TBC1D5: variants seen among roughly 807,000 people sequenced by gnomAD.
TBC1D5 encodes TBC1 domain family, member 5.
Under a neutral mutation model 100.3 loss-of-function variants are expected in TBC1D5, and 75 were observed. The ratio of observed to expected loss-of-function variants is 0.75; its 90% CI spans 0.62 to 0.91. The LOEUF is 0.91. Among genes scored for constraint, TBC1D5 ranks in the 40% least tolerant of loss-of-function variants. TBC1D5 has a pLI of 0.00. For missense variants in TBC1D5, 910 were observed against 942.4 expected (o/e 0.97, Z 0.45); for synonymous variants, 323 against 325.6 (o/e 0.99, Z 0.09).
At chr3:17,532,016 A>G (rs919362925) in intron 2 of TBC1D5, among the ~76,000 whole-genome samples, 5 of 152,252 alleles carry the variant, frequency 3.3e-5, no homozygotes, top group African/African-American at 1.2e-4. Context: ...GCTTCTGAAC[A>G]GCAAAAGAAA....
intron 2 of TBC1D5, among the ~76,000 whole-genome samples, chr3:17,622,118 T>A (rs1447096146): frequency 6.6e-6 from 1 of 152,114 alleles, no homozygotes; most frequent in East Asian, 1.9e-4. Flanking sequence ...GGAGAGATGG[T>A]TTCGAAATCA....
chr3:17,550,560 A>C (rs1016795856), intron 2 of TBC1D5, among the ~76,000 whole-genome samples: 47 of 152,146 alleles, frequency 3.1e-4, no homozygotes, highest in Admixed American at 4.6e-4. Context: ...AAAAAAAAAA[A>C]CACCACAGAA....
At chr3:17,584,761 A>C (rs2096721948) in intron 2 of TBC1D5, among the ~76,000 whole-genome samples, 1 of 152,154 alleles carries the variant, frequency 6.6e-6, no homozygotes, top group East Asian at 1.9e-4. Flanking sequence ...AGTTCAAGAG[A>C]TTCTCCTGCC....
At chr3:17,349,279 A>G (rs2090275173) in intron 13 of TBC1D5, among the ~76,000 whole-genome samples, 1 of 152,156 alleles carries the variant, frequency 6.6e-6, no homozygotes, top group African/African-American at 2.4e-5. Context: ...AGTCGCCTCT[A>G]ACACTTTCTG....
At chr3:17,332,557 G>C (rs1191362892) in intron 13 of TBC1D5, among the ~76,000 whole-genome samples, 1 of 151,996 alleles carries the variant, frequency 6.6e-6, no homozygotes, top group Non-Finnish European at 1.5e-5. Context: ...TAGGGAAACA[G>C]AGAAAAGAAA....
chr3:17,361,814 C>T (rs566037356), intron 13 of TBC1D5, among the ~76,000 whole-genome samples: 3 of 152,082 alleles, frequency 2.0e-5, no homozygotes, highest in African/African-American at 4.8e-5. Flanking sequence ...ATAATCTGAC[C>T]TCCTACCTTC....
chr3:17,452,952 T>A (rs2094961232), intron 3 of TBC1D5, among the ~76,000 whole-genome samples: 1 of 151,264 alleles, frequency 6.6e-6, no homozygotes, highest in African/African-American at 2.4e-5. Flanking sequence ...AAAAATACTA[T>A]CAAGCATCTT....
At position 17,238,043 on chromosome 3, in the gene TBC1D5, T is replaced by C. The variant is rs1025291825; in HGVS notation, c.1588+120A>G. On this transcript the variant is annotated intron_variant, in intron 17 of 21. Transcript: ENST00000253692. ...TAGTATTCCAACTTTATATAACATA[T>C]TTAAAAAGTAAGTTTTGCATTAATT... 2.2e-6 allele frequency: 3 copies of C among 1,388,844 alleles called. No homozygotes were observed. The African/African-American group carries it at 4.3e-5, about 20-fold the overall frequency. The allele number at this position is 1,388,844 out of a possible 1,614,324, so 86.0% of individuals were successfully genotyped here. A position where few individuals can be genotyped will look rare whatever the true frequency, so the allele number is the denominator to read the frequency against.
At chr3:17,460,735 A>G (rs2095189583) in intron 3 of TBC1D5, among the ~76,000 whole-genome samples, 2 of 152,100 alleles carry the variant, frequency 1.3e-5, no homozygotes, top group Admixed American at 1.3e-4. Context: ...CAACACTTCA[A>G]TGCCAAGCTC....
intron 14 of TBC1D5, among the ~76,000 whole-genome samples, chr3:17,293,901 G>A (rs1484633382): frequency 1.3e-5 from 2 of 152,166 alleles, no homozygotes; most frequent in African/African-American, 2.4e-5. Flanking sequence ...TCTTATAAAG[G>A]TACAATTATT....
At chr3:17,690,647 C>G (rs1420328265) in intron 1 of TBC1D5, among the ~76,000 whole-genome samples, 1 of 152,206 alleles carries the variant, frequency 6.6e-6, no homozygotes, top group Non-Finnish European at 1.5e-5. Flanking sequence ...CCTGTCAGAA[C>G]AGCAGTGGCA....
At chr3:17,618,192 C>T (rs1293878502) in intron 2 of TBC1D5, among the ~76,000 whole-genome samples, 1 of 152,196 alleles carries the variant, frequency 6.6e-6, no homozygotes, top group Non-Finnish European at 1.5e-5. Context: ...TGGAGGTCCA[C>T]TCCAGACTCT....
chr3:17,548,620 GA>G lies in TBC1D5; in HGVS notation c.-35-40016del, dbSNP rs373092431. Among the ~76,000 whole-genome samples, 29 of 152,308 alleles carry G rather than the reference GA, an allele frequency of 1.9e-4. No homozygotes were observed. In the South Asian group the frequency reaches 6.0e-3, roughly 32 times the overall value. ...GTCTTTGTAGCTACTGTTGAGGGGA[GA>G]AAATGTACTAAACATAAACATGGTA... On this transcript the variant is annotated intron_variant, in intron 2 of 21. Transcript: ENST00000253692.
At chr3:17,337,838 G>A (rs6763593) in intron 13 of TBC1D5, among the ~76,000 whole-genome samples, 76,296 of 151,926 alleles carry the variant, frequency 0.5, 20,688 homozygotes, top group African/African-American at 0.68. Flanking sequence ...CCCACTGTCT[G>A]GCCTCTACCT....
chr3:17,695,859 C>T (rs1025300622), intron 1 of TBC1D5, among the ~76,000 whole-genome samples: 2 of 152,168 alleles, frequency 1.3e-5, no homozygotes, highest in African/African-American at 4.8e-5. Context: ...TAAAGCACTC[C>T]TCAGCAAATG....
chr3:17,366,705 T>C (rs2092155340), intron 13 of TBC1D5, among the ~76,000 whole-genome samples: 1 of 152,176 alleles, frequency 6.6e-6, no homozygotes, highest in African/African-American at 2.4e-5. Flanking sequence ...CACTGACTTC[T>C]GATGACTGAG....
At position 17,303,833 on chromosome 3, in the gene TBC1D5, C is replaced by CTT. The variant is rs140988557; in HGVS notation, c.1138+4157_1138+4158dup. On this transcript the variant is annotated intron_variant, in intron 14 of 21. Transcript: ENST00000253692. ...TGGAAGCCTGGATCACAATCTACCT[C>CTT]TTTTTTTTTTTTTTTTTTTTTTTTT... 8.5e-3 allele frequency among the ~76,000 whole-genome samples: 722 copies of CTT among 84,478 alleles called. 63 individuals carry two copies. The highest frequency in any genetic ancestry group is 0.013 in the African/African-American group (264 of 20,238). The allele number at this position is 84,478 out of a possible 152,430, so 55.4% of individuals were successfully genotyped here. A position where few individuals can be genotyped will look rare whatever the true frequency, so the allele number is the denominator to read the frequency against.
intron 2 of TBC1D5, among the ~76,000 whole-genome samples, chr3:17,532,951 C>CAT (rs1221230368): frequency 6.6e-6 from 1 of 151,434 alleles, no homozygotes; most frequent in African/African-American, 2.4e-5. Flanking sequence ...CAAACCTGCA[C>CAT]GTTGTGCACA....
rs1473404788 is a variant in TBC1D5, at chr3:17,703,909, T to TGG, written c.-101+35433_-101+35434insCC. Reference sequence around the variant, plus strand: ...GTACCACATTGATATTTGTGTTTTTTTTTTGTTTTTTTTTTTTTAATTTAT... The same window carrying TGG: ...GTACCACATTGATATTTGTGTTTTTTGGTTTTGTTTTTTTTTTTTTAATTTAT... On this transcript the variant is annotated intron_variant, in intron 1 of 21. Coordinates refer to ENST00000253692, the Ensembl canonical transcript of TBC1D5. Among the ~76,000 whole-genome samples, 6 of 108,096 alleles carry TGG rather than the reference T, an allele frequency of 5.6e-5. No individual in the cohort carries two copies. The East Asian group carries it at 7.6e-3, about 136-fold the overall frequency. The allele number at this position is 108,096 out of a possible 152,430, so 70.9% of individuals were successfully genotyped here. A position where few individuals can be genotyped will look rare whatever the true frequency, so the allele number is the denominator to read the frequency against.
Sources: allele counts gnomAD v4.1 joint callset (sites outside exome capture counted in the v4.1 genomes callset), GRCh38; gene constraint gnomAD v4.1.1; transcripts MANE v1.5; gene names NCBI Gene and HGNC (gene_info 2026-07-23, HGNC 2026-07-21).